Variants in LRFN5 observed in about 807,000 individuals in gnomAD.
The protein encoded by LRFN5 is leucine rich repeat and fibronectin type III domain containing 5, also known as leucine-rich repeat and fibronectin type-III domain-containing protein 5.
A neutral mutation model predicts 45.6 loss-of-function variants in LRFN5; 24 were observed. The ratio of observed to expected loss-of-function variants is 0.53; its 90% CI spans 0.38 to 0.74. LRFN5 has a LOEUF of 0.74. Ranked by LOEUF, LRFN5 falls within the 30% of genes least tolerant of loss-of-function variation. The pLI is 0.00. For synonymous variants in LRFN5, 340 were observed against 313.8 expected (o/e 1.08, Z -0.88); for missense variants, 776 against 861.5 (o/e 0.90, Z 1.24).
intron 1 of LRFN5, among the ~76,000 whole-genome samples, chr14:41,610,738 AT>A (rs1466285755): frequency 6.8e-6 from 1 of 147,214 alleles, no homozygotes; most frequent in Non-Finnish European, 1.5e-5. Context: ...ATAATTGGGA[AT>A]AAATTTAAAA....
chr14:41,823,808 T>C (rs889904593), intron 2 of LRFN5, among the ~76,000 whole-genome samples: 4 of 152,190 alleles, frequency 2.6e-5, no homozygotes, highest in Non-Finnish European at 5.9e-5. Flanking sequence ...GAAATACCCA[T>C]GACTCATAGT....
intron 2 of LRFN5, among the ~76,000 whole-genome samples, chr14:41,804,444 C>A (rs985662923): frequency 6.6e-6 from 1 of 152,050 alleles, no homozygotes; most frequent in Non-Finnish European, 1.5e-5. Context: ...AGTGATATTA[C>A]CTGCAGGAGT....
chr14:41,803,061 C>T (rs527904524), intron 2 of LRFN5, among the ~76,000 whole-genome samples: 1 of 152,014 alleles, frequency 6.6e-6, no homozygotes, highest in African/African-American at 2.4e-5. Flanking sequence ...TTGACCTATA[C>T]CTCCCAAAAC....
intron 5 of LRFN5, among the ~76,000 whole-genome samples, chr14:41,903,553 A>C (rs1891161782): frequency 6.6e-6 from 1 of 151,532 alleles, no homozygotes; most frequent in South Asian, 2.1e-4. Context: ...TTATGTTTAA[A>C]TATTTTTATA....
At chr14:41,815,554 T>C (rs982654669) in intron 2 of LRFN5, among the ~76,000 whole-genome samples, 3 of 151,912 alleles carry the variant, frequency 2.0e-5, no homozygotes, top group African/African-American at 4.8e-5. Flanking sequence ...TTGGGCAACA[T>C]AGGGAGACCT....
intron 1 of LRFN5, among the ~76,000 whole-genome samples, chr14:41,670,757 T>G (rs546505427): frequency 2.0e-5 from 3 of 151,988 alleles, no homozygotes; most frequent in Non-Finnish European, 4.4e-5. Flanking sequence ...GAAAATTACT[T>G]TTGCATAATG....
intron 2 of LRFN5, among the ~76,000 whole-genome samples, chr14:41,799,176 G>T (rs1053227760): frequency 2.6e-5 from 4 of 151,986 alleles, no homozygotes; most frequent in Non-Finnish European, 2.9e-5. Flanking sequence ...ATAAATTGCT[G>T]GTTGTTGCAC....
intron 1 of LRFN5, among the ~76,000 whole-genome samples, chr14:41,752,515 G>C (rs1885180332): frequency 1.3e-5 from 2 of 152,192 alleles, no homozygotes; most frequent in African/African-American, 2.4e-5. Flanking sequence ...CTGATGGCCA[G>C]TGATGATGAG....
At chr14:41,703,396 C>T (rs1301486789) in intron 1 of LRFN5, among the ~76,000 whole-genome samples, 3 of 152,020 alleles carry the variant, frequency 2.0e-5, no homozygotes, top group Non-Finnish European at 2.9e-5. Context: ...AATCAAGACC[C>T]ATGAAGTGAC....
intron 1 of LRFN5, among the ~76,000 whole-genome samples, chr14:41,656,995 T>A (rs763591682): frequency 1.8e-4 from 28 of 151,858 alleles, no homozygotes; most frequent in Non-Finnish European, 2.7e-4. Context: ...CCTCAATCGT[T>A]ATGTTTCTTA....
chr14:41,707,698 A>T (rs565504828), intron 1 of LRFN5, among the ~76,000 whole-genome samples: 1 of 152,094 alleles, frequency 6.6e-6, no homozygotes, highest in Non-Finnish European at 1.5e-5. Context: ...AGCAAACTAG[A>T]GCACATTGAC....
intron 1 of LRFN5, among the ~76,000 whole-genome samples, chr14:41,682,083 G>T (rs1481165688): frequency 4.6e-5 from 7 of 151,150 alleles, no homozygotes; most frequent in Admixed American, 4.6e-4. Context: ...CTCCCAAAAT[G>T]CTGGGATTAC....
intron 2 of LRFN5, among the ~76,000 whole-genome samples, chr14:41,774,021 A>G (rs1738574281): frequency 1.3e-5 from 2 of 152,150 alleles, no homozygotes; most frequent in South Asian, 4.1e-4. Context: ...TGCTAACACT[A>G]TGGTTCTTAC....
At chr14:41,835,072 T>G (rs1033629676) in intron 2 of LRFN5, among the ~76,000 whole-genome samples, 22 of 151,740 alleles carry the variant, frequency 1.4e-4, no homozygotes, top group African/African-American at 4.6e-4. Flanking sequence ...AAAGCAAAGT[T>G]TTTTCATCAT....
chr14:41,839,145 A>G (rs1237794811), intron 2 of LRFN5, among the ~76,000 whole-genome samples: 1 of 152,100 alleles, frequency 6.6e-6, no homozygotes, highest in Non-Finnish European at 1.5e-5. Context: ...GGAATGTCAT[A>G]TATTTTTATA....
chr14:41,665,631 C>G (rs565463474), intron 1 of LRFN5, among the ~76,000 whole-genome samples: 101 of 152,028 alleles, frequency 6.6e-4, no homozygotes, highest in Admixed American at 7.2e-4. Flanking sequence ...ATAATAGTAT[C>G]CTGTTTAGGT....
At chr14:41,851,456 ATGT>A (rs1231569772) in intron 2 of LRFN5, among the ~76,000 whole-genome samples, 1 of 151,844 alleles carries the variant, frequency 6.6e-6, no homozygotes, top group Non-Finnish European at 1.5e-5. Context: ...GTTACATATG[ATGT>A]TTCAATATTT....
intron 1 of LRFN5, among the ~76,000 whole-genome samples, chr14:41,633,681 C>T (rs1888627016): frequency 6.6e-6 from 1 of 151,978 alleles, no homozygotes; most frequent in Non-Finnish European, 1.5e-5. Flanking sequence ...TTCTTTTTTT[C>T]AATTACATTT....
intron 2 of LRFN5, among the ~76,000 whole-genome samples, chr14:41,845,532 C>A (rs1004801293): frequency 6.6e-6 from 1 of 151,800 alleles, no homozygotes; most frequent in Non-Finnish European, 1.5e-5. Context: ...TCTTGTTTTT[C>A]TCTGTTCTCT....
Sources: gnomAD v4.1 joint callset for allele counts (sites outside exome capture counted in the v4.1 genomes callset) on GRCh38, gnomAD v4.1.1 for gene constraint, MANE v1.5 for transcripts, NCBI Gene and HGNC (gene_info 2026-07-23, HGNC 2026-07-21) for gene names.